NKAIN3: variants seen among roughly 807,000 people sequenced by gnomAD.
NKAIN3 encodes sodium/potassium transporting ATPase interacting 3.
In NKAIN3, 25 loss-of-function variants were observed where a neutral mutation model predicts 30.2. That is an observed-to-expected ratio of 0.83 (90% CI 0.60 to 1.16). The LOEUF (loss-of-function observed/expected upper bound fraction) is 1.16. Among genes scored for constraint, NKAIN3 ranks in the 50% most tolerant of loss-of-function variants. The pLI is 0.00. For synonymous variants in NKAIN3, 91 were observed against 89.6 expected, an observed-to-expected ratio of 1.02 and a Z score of -0.09; for missense variants, 225 against 254.1, an observed-to-expected ratio of 0.89 and a Z score of 0.78.
At chr8:62,882,263 A>G (rs979296232) in intron 4 of NKAIN3, among the ~76,000 whole-genome samples, 4 of 152,126 alleles carry the variant, frequency 2.6e-5, no homozygotes, top group Non-Finnish European at 5.9e-5. Context: ...AGTTCAGCTT[A>G]TAAATTATTT....
intron 3 of NKAIN3, among the ~76,000 whole-genome samples, chr8:62,629,492 T>C (rs1811889880): frequency 6.6e-6 from 1 of 152,134 alleles, no homozygotes; most frequent in African/African-American, 2.4e-5. Flanking sequence ...AATACATCCA[T>C]AGCAGCACAT....
At chr8:62,549,543 A>G (rs61299238) in intron 1 of NKAIN3, among the ~76,000 whole-genome samples, 6,391 of 152,152 alleles carry the variant, frequency 0.042, 459 homozygotes, top group African/African-American at 0.15. Context: ...TTTTTACCTG[A>G]GAAGTAAAGA....
intron 3 of NKAIN3, among the ~76,000 whole-genome samples, chr8:62,738,066 T>G (rs1479595357): frequency 6.6e-6 from 1 of 152,162 alleles, no homozygotes; most frequent in Non-Finnish European, 1.5e-5. Flanking sequence ...GTATTTCTGG[T>G]TCTAGATCCT....
chr8:62,932,673 G>A (rs973993398), intron 5 of NKAIN3, among the ~76,000 whole-genome samples: 2 of 152,148 alleles, frequency 1.3e-5, no homozygotes, highest in South Asian at 4.1e-4. Context: ...AGGGACCTTG[G>A]ATTCCATTTT....
chr8:62,862,627 T>A (rs911269947), intron 4 of NKAIN3, among the ~76,000 whole-genome samples: 1 of 152,098 alleles, frequency 6.6e-6, no homozygotes, highest in Admixed American at 6.5e-5. Flanking sequence ...CTAAATAAAA[T>A]AGATTCAATA....
Position 62,966,245 on chromosome 8 carries a change from A to G in NKAIN3, c.*838A>G. ...TGCAGTCAGGAACTTTTCTCTTAGG[A>G]TATTCAAAAGAAGCCTGAAAATGCT... On this transcript the variant is annotated 3_prime_UTR_variant, in exon 7 of 7. Coordinates refer to ENST00000623646, the MANE Select transcript of NKAIN3 (RefSeq NM_001304533.3). 1.0e-6 allele frequency: 1 copy of G among 985,236 alleles called. No individual in the cohort carries two copies. The highest frequency in any genetic ancestry group is 1.2e-6 in the Non-Finnish European group (1 of 829,794). The allele number at this position is 985,236 out of a possible 1,614,324, so 61.0% of individuals were successfully genotyped here. A position where few individuals can be genotyped will look rare whatever the true frequency, so the allele number is the denominator to read the frequency against.
chr8:62,803,960 C>T (rs1818173440), intron 4 of NKAIN3, among the ~76,000 whole-genome samples: 1 of 152,112 alleles, frequency 6.6e-6, no homozygotes, highest in South Asian at 2.1e-4. Context: ...GAAATACAAA[C>T]TACCATGAGA....
chr8:62,342,463 C>G (rs1411421749), intron 1 of NKAIN3, among the ~76,000 whole-genome samples: 1 of 151,938 alleles, frequency 6.6e-6, no homozygotes, highest in Non-Finnish European at 1.5e-5. Flanking sequence ...CAATAGAAAC[C>G]TTTTAAATCA....
At chr8:62,816,675 T>G (rs1050290654) in intron 4 of NKAIN3, among the ~76,000 whole-genome samples, 1 of 152,094 alleles carries the variant, frequency 6.6e-6, no homozygotes, top group Non-Finnish European at 1.5e-5. Flanking sequence ...GCTGTACAAT[T>G]GAGTTCAGCT....
intron 1 of NKAIN3, among the ~76,000 whole-genome samples, chr8:62,274,973 AT>A (rs1812891250): frequency 2.0e-5 from 3 of 152,012 alleles, no homozygotes; most frequent in South Asian, 4.1e-4. Context: ...TATGTGCCAC[AT>A]TTTCTTAATC....
intron 3 of NKAIN3, among the ~76,000 whole-genome samples, chr8:62,671,828 G>T (rs1010966210): frequency 2.0e-5 from 3 of 151,992 alleles, no homozygotes; most frequent in Non-Finnish European, 4.4e-5. Flanking sequence ...AGAAAAAAAT[G>T]ACTTCAGCAG....
intron 4 of NKAIN3, among the ~76,000 whole-genome samples, chr8:62,831,282 C>T (rs967419455): frequency 1.2e-4 from 18 of 152,076 alleles, no homozygotes; most frequent in Non-Finnish European, 2.2e-4. Flanking sequence ...GTGCCAGCAT[C>T]CCCAGATGAG....
Position 62,283,378 on chromosome 8 carries a change from A to T in NKAIN3, c.54+34251A>T, listed in dbSNP as rs921268671. Among the ~76,000 whole-genome samples, 6 of 152,086 alleles carry T rather than the reference A, an allele frequency of 3.9e-5. No individual in the cohort carries two copies. In the South Asian group the frequency reaches 8.3e-4, roughly 21 times the overall value. On this transcript the variant is annotated intron_variant, in intron 1 of 6. Coordinates refer to ENST00000623646, the MANE Select transcript of NKAIN3 (RefSeq NM_001304533.3). The stretch of plus-strand genomic sequence containing the variant: ...GGTTGTGGAGACAGGACTGTTCCAT[A>T]GAACAAAACATTACTCAAGGGTCAT...
chr8:62,278,382 GTTT>G (rs36075063), intron 1 of NKAIN3, among the ~76,000 whole-genome samples: 2 of 149,346 alleles, frequency 1.3e-5, no homozygotes, highest in African/African-American at 4.9e-5. Context: ...CCTACTGCTG[GTTT>G]TTTTTTTTTA....
intron 5 of NKAIN3, among the ~76,000 whole-genome samples, chr8:62,953,532 A>G (rs1823341551): frequency 6.6e-6 from 1 of 151,478 alleles, no homozygotes; most frequent in South Asian, 2.1e-4. Context: ...TTCTTAAGGA[A>G]AAAAAAGGAT....
chr8:62,543,808 T>C (rs1235406248), intron 1 of NKAIN3, among the ~76,000 whole-genome samples: 1 of 152,210 alleles, frequency 6.6e-6, no homozygotes, highest in East Asian at 1.9e-4. Flanking sequence ...AGATGTTTGG[T>C]AAAATATAAC....
At chr8:62,674,171 T>G (rs750930015) in intron 3 of NKAIN3, among the ~76,000 whole-genome samples, 4 of 152,164 alleles carry the variant, frequency 2.6e-5, no homozygotes, top group African/African-American at 4.8e-5. Flanking sequence ...CCTCCACCTA[T>G]CGCTCTGGCC....
At chr8:62,594,477 A>C (rs187894146) in intron 3 of NKAIN3, among the ~76,000 whole-genome samples, 1 of 152,160 alleles carries the variant, frequency 6.6e-6, no homozygotes, top group East Asian at 1.9e-4. Flanking sequence ...TTATAGATCA[A>C]ATCAAATCAG....
intron 3 of NKAIN3, among the ~76,000 whole-genome samples, chr8:62,632,620 A>T (rs1811995076): frequency 1.3e-5 from 2 of 151,940 alleles, no homozygotes; most frequent in African/African-American, 4.8e-5. Context: ...CTCCTTCCTC[A>T]GCCTCCCGAG....
Sources: gnomAD v4.1 joint callset for allele counts (sites outside exome capture counted in the v4.1 genomes callset) on GRCh38, gnomAD v4.1.1 for gene constraint, MANE v1.5 for transcripts, NCBI Gene and HGNC (gene_info 2026-07-23, HGNC 2026-07-21) for gene names.